HECW2: variants seen among roughly 807,000 people sequenced by gnomAD.
HECW2 encodes the protein E3 ubiquitin-protein ligase HECW2.
In HECW2, 61 loss-of-function variants were observed where a neutral mutation model predicts 175.2. The ratio of observed to expected loss-of-function variants is 0.35; its 90% CI spans 0.28 to 0.43. The LOEUF (loss-of-function observed/expected upper bound fraction) is 0.43, where lower values mean the gene tolerates loss of function less well. HECW2 is among the 20% of genes least tolerant of loss of function. The pLI is 1.00. For synonymous variants in HECW2, 671 were observed against 731.0 expected (o/e 0.92, Z 1.32); for missense variants, 1,524 against 2,000.5 (o/e 0.76, Z 4.54).
At chr2:196,489,202 T>C (rs1037184547) in intron 1 of HECW2, among the ~76,000 whole-genome samples, 24 of 152,196 alleles carry the variant, frequency 1.6e-4, no homozygotes, top group Admixed American at 6.5e-5. Flanking sequence ...AGTAGGCTTA[T>C]AGAAGCGTAT....
At chr2:196,404,383 CTA>C (rs1694903819) in intron 2 of HECW2, among the ~76,000 whole-genome samples, 1 of 152,130 alleles carries the variant, frequency 6.6e-6, no homozygotes, top group South Asian at 2.1e-4. Context: ...CCTAGACCTT[CTA>C]GGAGAAGAAA....
chr2:196,452,395 G>C (rs1043283766), intron 1 of HECW2, among the ~76,000 whole-genome samples: 1 of 152,126 alleles, frequency 6.6e-6, no homozygotes, highest in Admixed American at 6.5e-5. Context: ...TGGCTCACTA[G>C]AATGGTGCTG....
At chr2:196,341,286 C>T (rs1692741198) in intron 3 of HECW2, among the ~76,000 whole-genome samples, 1 of 151,752 alleles carries the variant, frequency 6.6e-6, no homozygotes, top group African/African-American at 2.4e-5. Context: ...AGTGATTTTG[C>T]CAAAATCACT....
intron 1 of HECW2, among the ~76,000 whole-genome samples, chr2:196,506,525 A>G (rs1687766483): frequency 6.6e-6 from 1 of 152,114 alleles, no homozygotes; most frequent in South Asian, 2.1e-4. Flanking sequence ...CTTTTCTAGC[A>G]TGAGCATGCA....
At chr2:196,423,684 T>TTGTGTGTGTGTGTGTGTGTGTGTGTGTG (rs60030164) in intron 2 of HECW2, among the ~76,000 whole-genome samples, 7 of 139,946 alleles carry the variant, frequency 5.0e-5, no homozygotes, top group Admixed American at 1.4e-4. Flanking sequence ...TAGTATTCCA[T>TTGTGTGTGTGTGTGTGTGTGTGTGTGTG]TGTGTGTGTG....
intron 1 of HECW2, among the ~76,000 whole-genome samples, chr2:196,503,961 T>C (rs939765947): frequency 1.3e-5 from 2 of 152,066 alleles, no homozygotes; most frequent in Admixed American, 6.5e-5. Context: ...CCAACACAAA[T>C]GCTTGTAATT....
chr2:196,384,168 C>T (rs903615820), intron 2 of HECW2, among the ~76,000 whole-genome samples: 3 of 152,216 alleles, frequency 2.0e-5, no homozygotes, highest in African/African-American at 7.2e-5. Flanking sequence ...GTTCATTAAC[C>T]TTACTCATTC....
In HECW2 at chr2:196,516,074, T is replaced by C. The variant is rs1461247387; in HGVS notation, c.-36+77434A>G. ...ATCGCTTGAACCTGGGAGGTAGAGT[T>C]TGCAGTGAGCTGAGATCGCACCACT... On this transcript the variant is annotated intron_variant, in intron 1 of 28. Transcript: ENST00000644978. Among the ~76,000 whole-genome samples, 4 of 152,252 alleles carry C rather than the reference T, an allele frequency of 2.6e-5. No individual in the cohort carries two copies. In the East Asian group the frequency reaches 7.7e-4, roughly 29 times the overall value.
At chr2:196,323,736 C>A (rs147087256) in intron 6 of HECW2, among the ~76,000 whole-genome samples, 1 of 152,268 alleles carries the variant, frequency 6.6e-6, no homozygotes, top group Non-Finnish European at 1.5e-5. Context: ...CAGGCTTGCA[C>A]TGGTGACATG....
chr2:196,404,819 C>CTTTTTTTT (rs71012909), intron 2 of HECW2, among the ~76,000 whole-genome samples: 1 of 80,378 alleles, frequency 1.2e-5, no homozygotes, highest in Non-Finnish European at 2.2e-5. Context: ...TTTTTCTTCT[C>CTTTTTTTT]TTTTTTTTTT....
intron 14 of HECW2, among the ~76,000 whole-genome samples, chr2:196,287,632 C>G (rs16849034): frequency 0.094 from 14,370 of 152,178 alleles, 1,442 homozygotes; most frequent in African/African-American, 0.25. Flanking sequence ...TTTGTTTTCT[C>G]ATTATCCAAG....
intron 3 of HECW2, among the ~76,000 whole-genome samples, chr2:196,336,699 T>C (rs900409461): frequency 1.3e-5 from 2 of 152,200 alleles, no homozygotes; most frequent in Non-Finnish European, 2.9e-5. Context: ...CCAACTTTGC[T>C]AGCTGACCCA....
intron 2 of HECW2, among the ~76,000 whole-genome samples, chr2:196,427,130 G>C (rs975998274): frequency 3.5e-4 from 25 of 70,630 alleles, no homozygotes; most frequent in Middle Eastern, 5.7e-3. Context: ...CTTACATCAA[G>C]AAACTTCAGA....
intron 23 of HECW2, among the ~76,000 whole-genome samples, chr2:196,225,491 A>G (rs140138186): frequency 1.3e-5 from 2 of 152,340 alleles, no homozygotes; most frequent in African/African-American, 4.8e-5. Context: ...TGTTTGAAGT[A>G]CAATTGTTTT....
chr2:196,472,911 G>A (rs772398064), intron 1 of HECW2, among the ~76,000 whole-genome samples: 6 of 152,150 alleles, frequency 3.9e-5, no homozygotes, highest in Admixed American at 2.0e-4. Context: ...CGGAGCCACC[G>A]CACTCAGCTG....
intron 16 of HECW2, 61 bp downstream of exon 16, chr2:196,273,960 G>A: frequency 8.3e-7 from 1 of 1,206,688 alleles, no homozygotes; most frequent in Non-Finnish European, 1.2e-6. Flanking sequence ...TATCAGCACA[G>A]TGTACATGGT....
At chr2:196,299,757 G>A (rs1008306803) in intron 13 of HECW2, among the ~76,000 whole-genome samples, 7 of 152,026 alleles carry the variant, frequency 4.6e-5, no homozygotes, top group Admixed American at 2.0e-4. Context: ...GTGAAACCCC[G>A]TCTCTACTAA....
intron 2 of HECW2, among the ~76,000 whole-genome samples, chr2:196,428,949 C>T (rs536773871): frequency 6.6e-6 from 1 of 152,264 alleles, no homozygotes; most frequent in South Asian, 2.1e-4. Flanking sequence ...GAGTGCCAGT[C>T]CAAGATCTAT....
rs531713082 is a variant in HECW2, at chr2:196,361,955, C to T, written c.293-18191G>A. 2.7e-5 allele frequency: 27 copies of T among 985,410 alleles called. No individual in the cohort carries two copies. In the African/African-American group the frequency reaches 3.0e-4, roughly 11 times the overall value. The allele number at this position is 985,410 out of a possible 1,614,324, so 61.0% of individuals were successfully genotyped here. A position where few individuals can be genotyped will look rare whatever the true frequency, so the allele number is the denominator to read the frequency against. On this transcript the variant is annotated intron_variant, in intron 2 of 28. Transcript: ENST00000644978. ...ATTCATAGGAGCAGCCAGAGCTGAACTGAAGTCAAGGCGGGTCTGGAGTTC... is the reference window on the plus strand; with the variant it reads ...ATTCATAGGAGCAGCCAGAGCTGAATTGAAGTCAAGGCGGGTCTGGAGTTC...
Sources: allele counts gnomAD v4.1 joint callset (sites outside exome capture counted in the v4.1 genomes callset), GRCh38; gene constraint gnomAD v4.1.1; transcripts MANE v1.5; gene names NCBI Gene and HGNC (gene_info 2026-07-23, HGNC 2026-07-21).